Variants in OR14A16 observed in about 807,000 individuals in gnomAD.
OR14A16 encodes olfactory receptor family 14 subfamily A member 16.
For synonymous variants in OR14A16, 135 were observed against 137.6 expected (o/e 0.98, Z 0.13); for missense variants, 341 against 366.5 (o/e 0.93, Z 0.57).
rs1662578520 is a variant in OR14A16, at chr1:247,814,946, C to T, written c.784G>A (p.Glu262Lys). Residue 262 changes from glutamate (E) to lysine (K), a missense_variant, in exon 3 of 3, where the codon GAG (glutamate) becomes AAG (lysine). By Grantham distance (56) the Glu-to-Lys change is moderately conservative (BLOSUM62 1). Coordinates refer to ENST00000641093, the MANE Select transcript of OR14A16 (RefSeq NM_001001966.2). ...GFIAYLKPAS[E>K]SPSILDAVIS... ...ACAGCATCCAAAATAGAAGGAGACTCTGAAGCTGGCTTCAGATAAGCAATG... is the reference window on the plus strand; with the variant it reads ...ACAGCATCCAAAATAGAAGGAGACTTTGAAGCTGGCTTCAGATAAGCAATG... 1 of 1,613,864 alleles carries T rather than the reference C, an allele frequency of 6.2e-7. No homozygotes were observed. The highest frequency in any genetic ancestry group is 8.5e-7 in the Non-Finnish European group (1 of 1,180,008).
chr1:247,817,875 G>A (rs912407370), intron 2 of OR14A16, among the ~76,000 whole-genome samples: 5 of 151,894 alleles, frequency 3.3e-5, no homozygotes, highest in African/African-American at 7.3e-5. Flanking sequence ...ACTCCTCAAC[G>A]AAGATACTAT....
At chr1:247,817,760 C>T (rs1239476820) in intron 2 of OR14A16, among the ~76,000 whole-genome samples, 1 of 151,980 alleles carries the variant, frequency 6.6e-6, no homozygotes, top group African/African-American at 2.4e-5. Flanking sequence ...AGTTACCTCT[C>T]ATTAATTTTG....
intron 1 of OR14A16, among the ~76,000 whole-genome samples, chr1:247,822,320 G>A (rs796343806): frequency 0.061 from 5,543 of 91,608 alleles, 481 homozygotes; most frequent in African/African-American, 0.18. Context: ...GTGGCGGGGG[G>A]GGAGGGTGGG....
In OR14A16 at chr1:247,819,090, A is replaced by C. The variant is rs1333708025; in HGVS notation, c.-43T>G. 6.6e-6 allele frequency: 1 copy of C among 152,120 alleles called. No individual in the cohort carries two copies. The highest frequency in any genetic ancestry group is 1.9e-4 in the East Asian group (1 of 5,202). The allele number at this position is 152,120 out of a possible 1,614,324, so 9.4% of individuals were successfully genotyped here. A position where few individuals can be genotyped will look rare whatever the true frequency, so the allele number is the denominator to read the frequency against. On this transcript the variant is annotated 5_prime_UTR_variant, in exon 2 of 3. Transcript: ENST00000641093. ...TATACCTCCAATCTGGCGCACGAAG[A>C]TTCCAGATGTCTTCTGAGGCTTGTT...
chr1:247,822,478 A>ACTAGTGGCTTC (rs6143725), intron 1 of OR14A16, among the ~76,000 whole-genome samples: 29 of 152,084 alleles, frequency 1.9e-4, no homozygotes, highest in African/African-American at 6.3e-4. Context: ...TGGGACTTGC[A>ACTAGTGGCTTC]CCAAGGGCTC....
At chr1:247,820,021 C>T (rs1467048312) in intron 1 of OR14A16, among the ~76,000 whole-genome samples, 1 of 152,122 alleles carries the variant, frequency 6.6e-6, no homozygotes, top group African/African-American at 2.4e-5. Context: ...TAGTAGATCA[C>T]AGTTATTGAT....
chr1:247,819,460 G>A (rs920225452), intron 1 of OR14A16, among the ~76,000 whole-genome samples: 1 of 152,168 alleles, frequency 6.6e-6, no homozygotes, highest in Non-Finnish European at 1.5e-5. Context: ...GGCAGACACT[G>A]CAGGTCATGG....
chr1:247,823,434 C>G (rs906223326), intron 1 of OR14A16, among the ~76,000 whole-genome samples: 1 of 152,140 alleles, frequency 6.6e-6, no homozygotes, highest in African/African-American at 2.4e-5. Context: ...GAGGTTGAGG[C>G]TGCACTCACT....
chr1:247,818,483 A>T (rs533898964), intron 2 of OR14A16, among the ~76,000 whole-genome samples: 3 of 152,334 alleles, frequency 2.0e-5, no homozygotes, highest in African/African-American at 4.8e-5. Context: ...AGTAGATTTT[A>T]AAAATGTTGT....
intron 1 of OR14A16, among the ~76,000 whole-genome samples, chr1:247,822,841 G>A (rs1365236691): frequency 6.6e-6 from 1 of 152,146 alleles, no homozygotes; most frequent in East Asian, 1.9e-4. Flanking sequence ...ATCAATAGCT[G>A]AACTTCATCA....
rs374107812 is a variant in OR14A16 at position 247,814,801 on chromosome 1, T to C, written c.929A>G (p.Ter310=). 4 of 1,534,138 alleles carry C rather than the reference T, an allele frequency of 2.6e-6. No individual in the cohort carries two copies. The highest frequency in any genetic ancestry group is 2.2e-5 in the Admixed American group (1 of 44,912). The change falls in exon 3 of 3, where the codon TAA becomes TGA. Residue 310 remains the stop codon, a stop_retained_variant. Coordinates refer to ENST00000641093, the MANE Select transcript of OR14A16 (RefSeq NM_001001966.2). ...TTGAAAGAAGAAAAGCAACAGCTTT[T>C]ACTTTTTGGTGAGCTTTCCCTTTAT... ...MLIKGKLTKK[*]
At chr1:247,822,550 A>G (rs1662761274) in intron 1 of OR14A16, among the ~76,000 whole-genome samples, 1 of 151,896 alleles carries the variant, frequency 6.6e-6, no homozygotes, top group Non-Finnish European at 1.5e-5. Context: ...GAGGCTTTCA[A>G]ACTGAATCAT....
intron 2 of OR14A16, among the ~76,000 whole-genome samples, chr1:247,817,659 T>C (rs529056256): frequency 6.6e-6 from 1 of 152,212 alleles, no homozygotes; most frequent in South Asian, 2.1e-4. Flanking sequence ...CATAATCGTT[T>C]AGAAGCTGGA....
rs1284013625 is a variant in OR14A16 at position 247,815,454 on chromosome 1, G to A, written c.276C>T (p.Phe92=). ...AAAAGACCTGGGAAACACAGCCAAG[G>A]AATGAAATGGAGTTGTTGTGTATCA... ...NSLIHNNSIS[F]LGCVSQVFLL... is the part of the protein sequence containing the mutation. The change falls in exon 3 of 3, where the codon TTC becomes TTT. Residue 92 remains phenylalanine, a synonymous_variant. Coordinates refer to ENST00000641093, the MANE Select transcript of OR14A16 (RefSeq NM_001001966.2). 1.9e-6 allele frequency: 3 copies of A among 1,613,924 alleles called. No individual in the cohort carries two copies. The highest frequency in any genetic ancestry group is 1.7e-6 in the Non-Finnish European group (2 of 1,180,030).
chr1:247,822,241 A>G (rs910349432), intron 1 of OR14A16, among the ~76,000 whole-genome samples: 4 of 142,712 alleles, frequency 2.8e-5, no homozygotes, highest in African/African-American at 1.0e-4. Context: ...GGAGATTAAC[A>G]TGTGAGTCCA....
chr1:247,815,295 C>T lies in OR14A16; in HGVS notation c.435G>A (p.Val145=). ...DRSTCVQRAT[V]SWLYGGLIAV... is the part of the protein sequence containing the mutation. ...CAATCAGACCCCCATACAGCCAAGACACAGTGGCTCTTTGGACACAGGTGC... is the reference window on the plus strand; with the variant it reads ...CAATCAGACCCCCATACAGCCAAGATACAGTGGCTCTTTGGACACAGGTGC... The change falls in exon 3 of 3, where the codon GTG becomes GTA. Residue 145 remains valine (V), a synonymous_variant. Transcript: ENST00000641093. 6.2e-7 allele frequency: 1 copy of T among 1,614,044 alleles called. No individual in the cohort carries two copies. Among genetic ancestry groups the T allele is most frequent in the South Asian group, 1.1e-5 (1 of 91,076 alleles).
At position 247,815,006 on chromosome 1, in the gene OR14A16, G is replaced by A. The variant is rs374734291; in HGVS notation, c.724C>T (p.His242Tyr). 3.7e-6 allele frequency: 6 copies of A among 1,613,842 alleles called. No homozygotes were observed. Among genetic ancestry groups the A allele is most frequent in the East Asian group, 2.2e-5 (1 of 44,854 alleles). ...GAAAGAAATAACACAACCAGCAAGT[G>A]TGGAAGGCAAATAGAGTAGGCTTTT... ...QSKAYSICLP[H>Y]LLVVLFLSTG... Residue 242 changes from histidine (H) to tyrosine (Y), a missense_variant, in exon 3 of 3, where the codon CAC becomes TAC. By Grantham distance (83) the His-to-Tyr change is moderately conservative (BLOSUM62 2). Coordinates refer to ENST00000641093, the MANE Select transcript of OR14A16 (RefSeq NM_001001966.2).
chr1:247,821,938 T>G (rs1348890188), intron 1 of OR14A16, among the ~76,000 whole-genome samples: 2 of 111,564 alleles, frequency 1.8e-5, no homozygotes, highest in Non-Finnish European at 4.4e-5. Context: ...TTGGTTAGTA[T>G]GATAATAACT....
At chr1:247,819,401 A>T (rs948608636) in intron 1 of OR14A16, among the ~76,000 whole-genome samples, 6 of 147,852 alleles carry the variant, frequency 4.1e-5, no homozygotes, top group Non-Finnish European at 9.0e-5. Flanking sequence ...GCAGATTTAA[A>T]AAAAAAAGAC....
Sources: gnomAD v4.1 joint callset for allele counts (sites outside exome capture counted in the v4.1 genomes callset) on GRCh38, gnomAD v4.1.1 for gene constraint, MANE v1.5 for transcripts, NCBI Gene and HGNC (gene_info 2026-07-23, HGNC 2026-07-21) for gene names.